The following BTNL9 variants were observed in gnomAD, a reference collection of about 807,000 sequenced individuals.
BTNL9 encodes butyrophilin-like protein 9.
Under a neutral mutation model 45.8 loss-of-function variants are expected in BTNL9, and 45 were observed. The ratio of observed to expected loss-of-function variants is 0.98; its 90% CI spans 0.77 to 1.26. The LOEUF (loss-of-function observed/expected upper bound fraction) is 1.26. Ranked by LOEUF, BTNL9 falls within the 50% of genes most tolerant of loss-of-function variation. The pLI, the probability that BTNL9 is intolerant of heterozygous loss-of-function variation, is 0.00. For missense variants in BTNL9, 784 were observed against 729.7 expected, an observed-to-expected ratio of 1.07 and a Z score of -0.86; for synonymous variants, 346 against 330.8, an observed-to-expected ratio of 1.05 and a Z score of -0.50.
intron 10 of BTNL9, 103 bp from the exon 11 acceptor site, chr5:181,059,134 C>T (rs969355792): frequency 2.8e-6 from 4 of 1,405,552 alleles, no homozygotes; most frequent in African/African-American, 1.5e-5. Flanking sequence ...TTCATTTCCT[C>T]GATTATTCCA....
rs1761887138 is a variant in BTNL9 at position 181,056,460 on chromosome 5, T to C, written c.955+445T>C. ...ATGGTTCTGTGATGTTCCTTGCTTT[T>C]CCCGTATGCATCATCATGCTTTAAT... On this transcript the variant is annotated intron_variant, in intron 9 of 10. Transcript: ENST00000327705. 10 of 689,570 alleles carry C rather than the reference T, an allele frequency of 1.5e-5. No homozygotes were observed. The Admixed American group carries it at 1.7e-4, about 12-fold the overall frequency. The allele number at this position is 689,570 out of a possible 1,614,324, so 42.7% of individuals were successfully genotyped here. A position where few individuals can be genotyped will look rare whatever the true frequency, so the allele number is the denominator to read the frequency against.
intron 6 of BTNL9, 163 bp from the exon 7 acceptor site, chr5:181,054,076 T>G (rs1761740489): frequency 6.5e-7 from 1 of 1,548,236 alleles, no homozygotes; most frequent in African/African-American, 1.4e-5. Context: ...ATCCCCTGCC[T>G]GGAGCCTCAC....
rs990081067 is a variant in BTNL9 at position 181,053,392 on chromosome 5, C to A, written c.853+76C>A. 2.6e-6 allele frequency: 4 copies of A among 1,529,180 alleles called. No individual in the cohort carries two copies. The highest frequency in any genetic ancestry group is 2.8e-5 in the African/African-American group (2 of 72,384). 94.7% of individuals were successfully genotyped at this position (1,529,180 alleles called of 1,614,324 possible). A position where few individuals can be genotyped will look rare whatever the true frequency, so the allele number is the denominator to read the frequency against. ...CCGGGGCCGCGGAGGCGCCTCCCCC[C>A]AGGACGCGGCGCGGGAAGGCGGCCT... is the stretch of plus-strand genomic sequence containing the variant. On this transcript the variant is annotated intron_variant, in intron 5 of 10. Transcript: ENST00000327705. This position sits in a 1 kb window ranked among gnomAD's most constrained non-coding sequence, Gnocchi z 6.5.
chr5:181,058,904 G>C (rs1036927401), intron 10 of BTNL9, among the ~76,000 whole-genome samples: 1 of 151,676 alleles, frequency 6.6e-6, no homozygotes, highest in Non-Finnish European at 1.5e-5. Flanking sequence ...GGTGCCACCA[G>C]CAGGAACTAG....
rs113682037 is a variant in BTNL9 at position 181,045,626 on chromosome 5, G to A, written c.109+28G>A. The A allele has an allele frequency of 1.1e-5, 17 of 1,559,854 alleles. No homozygotes were observed. The African/African-American group carries it at 2.3e-4, about 21-fold the overall frequency. ...ATTGTGTCTGCAGCCTAGCTGGCCAGGATGTGAACGCCACCCCTCCTGCCA... is the reference window on the plus strand; with the variant it reads ...ATTGTGTCTGCAGCCTAGCTGGCCAAGATGTGAACGCCACCCCTCCTGCCA... On this transcript the variant is annotated intron_variant, in intron 2 of 10. Coordinates refer to ENST00000327705, the MANE Select transcript of BTNL9 (RefSeq NM_152547.5).
rs78003831 is a variant in BTNL9 at position 181,054,480 on chromosome 5, T to C, written c.907+221T>C. The C allele has an allele frequency of 4.0e-3, 3,967 of 985,464 alleles. 9 individuals carry two copies. Among genetic ancestry groups the C allele is most frequent in the Non-Finnish European group, 4.4e-3 (3,682 of 829,936 alleles). The allele number at this position is 985,464 out of a possible 1,614,324, so 61.0% of individuals were successfully genotyped here. On this transcript the variant is annotated intron_variant, in intron 7 of 10. Transcript: ENST00000327705. ...GCACAGACCCTGCCAGCTCCTCCCC[T>C]GCAAATTAGACAATTCAGTTAAAAT...
At chr5:181,040,814 G>C (rs1760739369) in intron 1 of BTNL9, among the ~76,000 whole-genome samples, 1 of 152,218 alleles carries the variant, frequency 6.6e-6, no homozygotes, top group Non-Finnish European at 1.5e-5. Context: ...GGGGGGAAGG[G>C]CATTGCAGGG....
intron 10 of BTNL9, among the ~76,000 whole-genome samples, chr5:181,058,594 C>T (rs1004124173): frequency 2.6e-5 from 4 of 152,002 alleles, no homozygotes; most frequent in Non-Finnish European, 5.9e-5. Flanking sequence ...CCAAACACAT[C>T]GCTCCTTGGG....
rs1043538475 is a variant in BTNL9, at chr5:181,059,231, G to T, written c.983-6G>T. ...GGGCGGGCACTAACGCTGTGGCTCT[G>T]CGCAGTGGATGTGACGCTGGACCCG... is the stretch of plus-strand genomic sequence containing the variant. On this transcript the variant is annotated splice_region_variant and splice_polypyrimidine_tract_variant and intron_variant, in intron 10 of 10. Transcript: ENST00000327705. The T allele has an allele frequency of 6.5e-7, 1 of 1,540,018 alleles. No homozygotes were observed. Among genetic ancestry groups the T allele is most frequent in the Non-Finnish European group, 8.7e-7 (1 of 1,152,956 alleles).
At chr5:181,052,605 G>A (rs1424003857) in intron 4 of BTNL9, among the ~76,000 whole-genome samples, 5 of 152,212 alleles carry the variant, frequency 3.3e-5, no homozygotes, top group Non-Finnish European at 5.9e-5. Context: ...GTTTGCGAAG[G>A]GCCGGTGGGT....
intron 10 of BTNL9, 175 bp from the exon 11 acceptor site, chr5:181,059,062 C>T: frequency 1.5e-6 from 1 of 681,700 alleles, no homozygotes; most frequent in Non-Finnish European, 1.8e-6. Context: ...TCAGGAGTGA[C>T]TGACACATGC....
chr5:181,046,697 G>A (rs904963614), intron 2 of BTNL9, among the ~76,000 whole-genome samples: 3 of 148,142 alleles, frequency 2.0e-5, no homozygotes, highest in African/African-American at 8.0e-5. Flanking sequence ...GAGAGAGAGA[G>A]CGAGAGAGAG....
At chr5:181,052,031 G>T (rs1188786262) in intron 4 of BTNL9, among the ~76,000 whole-genome samples, 2 of 152,092 alleles carry the variant, frequency 1.3e-5, no homozygotes, top group African/African-American at 4.8e-5. Flanking sequence ...GGTCGAGGGG[G>T]AGGGTCACAG....
intron 7 of BTNL9, 117 bp downstream of exon 7, chr5:181,054,376 C>T: frequency 1.3e-6 from 2 of 1,542,048 alleles, no homozygotes; most frequent in Admixed American, 4.2e-5. Context: ...TAAACCATCC[C>T]TGTGAGCCTC....
In BTNL9 at chr5:181,055,770, A is replaced by G. The variant is rs1454826416; in HGVS notation, c.929-219A>G. ...GGCGACAGAGCGAGACTCTGTCTCA[A>G]AAAAAAAAAGAACTATTTCTCCTCA... On this transcript the variant is annotated intron_variant, in intron 8 of 10. Transcript: ENST00000327705. This position sits in a 1 kb window ranked among gnomAD's most constrained non-coding sequence, Gnocchi z 4.4. 2.9e-6 allele frequency: 2 copies of G among 693,738 alleles called. No homozygotes were observed. The highest frequency in any genetic ancestry group is 3.5e-5 in the African/African-American group (2 of 56,432). 43.0% of individuals were successfully genotyped at this position (693,738 alleles called of 1,614,324 possible).
At chr5:181,045,164 C>T (rs907820507) in intron 1 of BTNL9, among the ~76,000 whole-genome samples, 4 of 152,206 alleles carry the variant, frequency 2.6e-5, no homozygotes, top group African/African-American at 9.7e-5. Flanking sequence ...CATTGTGTGG[C>T]TCTATTCCTG....
chr5:181,057,826 C>A (rs999772821), intron 9 of BTNL9, among the ~76,000 whole-genome samples: 1 of 152,196 alleles, frequency 6.6e-6, no homozygotes, highest in South Asian at 2.1e-4. Flanking sequence ...GCTCTGAGAA[C>A]GTCTTGTGTT....
chr5:181,047,584 T>C (rs1253653997), intron 2 of BTNL9: 6 of 855,876 alleles, frequency 7.0e-6, no homozygotes, highest in Non-Finnish European at 7.2e-6. Flanking sequence ...ACAGATTATT[T>C]TGACACTTGC....
intron 1 of BTNL9, 146 bp from the exon 2 acceptor site, chr5:181,045,321 G>A (rs1761038256): frequency 1.0e-5 from 6 of 574,104 alleles, no homozygotes; most frequent in Non-Finnish European, 1.9e-5. Context: ...CTCTGGCCAT[G>A]GAAGAAGCCA....
Sources: allele counts gnomAD v4.1 joint callset (sites outside exome capture counted in the v4.1 genomes callset), GRCh38; gene constraint gnomAD v4.1.1; non-coding constraint Gnocchi (gnomAD v3.1); transcripts MANE v1.5; gene names NCBI Gene and HGNC (gene_info 2026-07-23, HGNC 2026-07-21).